Variants in DGKB observed in about 807,000 individuals in gnomAD.
DGKB encodes 90 kDa diacylglycerol kinase.
A neutral mutation model predicts 114.3 loss-of-function variants in DGKB; 67 were observed. The observed-to-expected ratio is 0.59, with a 90% confidence interval of 0.48 to 0.72. DGKB has a LOEUF of 0.72. Among genes scored for constraint, DGKB ranks in the 30% least tolerant of loss-of-function variants. The probability of loss-of-function intolerance (pLI) is 0.00; values close to 1 mark genes in which losing one functional copy is unlikely to be tolerated. For missense variants in DGKB, 907 were observed against 975.2 expected, an observed-to-expected ratio of 0.93 and a Z score of 0.93; for synonymous variants, 398 against 323.1, an observed-to-expected ratio of 1.23 and a Z score of -2.49.
At chr7:14,709,961 T>C (rs565612274) in intron 6 of DGKB, among the ~76,000 whole-genome samples, 8 of 138,444 alleles carry the variant, frequency 5.8e-5, no homozygotes, top group Non-Finnish European at 1.1e-4. Context: ...AAACTTAAAG[T>C]ATAATTAAAA....
At chr7:14,744,661 C>G (rs542681507) in intron 4 of DGKB, among the ~76,000 whole-genome samples, 1 of 152,264 alleles carries the variant, frequency 6.6e-6, no homozygotes, top group Non-Finnish European at 1.5e-5. Flanking sequence ...AATAATTATT[C>G]TTGCTGCACT....
At chr7:14,589,252 T>C (rs1457977183) in intron 17 of DGKB, among the ~76,000 whole-genome samples, 1 of 152,062 alleles carries the variant, frequency 6.6e-6, no homozygotes, top group Non-Finnish European at 1.5e-5. Flanking sequence ...TAAATAATCA[T>C]ATTATCACTG....
At chr7:14,162,653 C>G (rs1251015151) in intron 25 of DGKB, among the ~76,000 whole-genome samples, 1 of 151,766 alleles carries the variant, frequency 6.6e-6, no homozygotes, top group East Asian at 1.9e-4. Context: ...ATTCAGGTTT[C>G]AAAATAAAGA....
chr7:14,847,075 G>A (rs1434092436), intron 1 of DGKB, among the ~76,000 whole-genome samples: 2 of 152,028 alleles, frequency 1.3e-5, no homozygotes, highest in Non-Finnish European at 2.9e-5. Flanking sequence ...CGGATCACGA[G>A]GTCAGGAGAT....
chr7:14,453,878 A>T (rs1831893965), intron 21 of DGKB, among the ~76,000 whole-genome samples: 2 of 152,308 alleles, frequency 1.3e-5, no homozygotes, highest in African/African-American at 2.4e-5. Context: ...CATATGGGCC[A>T]TAGTTTGCTG....
chr7:14,584,816 C>A (rs1017534653), intron 17 of DGKB, among the ~76,000 whole-genome samples: 1 of 151,806 alleles, frequency 6.6e-6, no homozygotes, highest in Admixed American at 6.6e-5. Context: ...CCTGCCACCA[C>A]GCCTGGCTAA....
intron 23 of DGKB, among the ~76,000 whole-genome samples, chr7:14,279,838 C>T (rs1008208704): frequency 6.0e-5 from 9 of 148,982 alleles, no homozygotes; most frequent in Non-Finnish European, 1.2e-4. Flanking sequence ...GAAAGGACAT[C>T]CACAACAAAA....
chr7:14,348,823 G>T (rs1812927496), intron 21 of DGKB, among the ~76,000 whole-genome samples: 3 of 151,888 alleles, frequency 2.0e-5, no homozygotes, highest in Non-Finnish European at 4.4e-5. Flanking sequence ...ATAAGTAGTA[G>T]AAGGCAAGCA....
In DGKB at chr7:14,178,080, G is replaced by A. The variant is rs1782052855; in HGVS notation, c.2194C>T (p.Leu732=). 1 of 1,610,506 alleles carries A rather than the reference G, an allele frequency of 6.2e-7. No homozygotes were observed. Among genetic ancestry groups the A allele is most frequent in the Non-Finnish European group, 8.5e-7 (1 of 1,178,812 alleles). Residue 732 remains leucine (L), a synonymous_variant, in exon 24 of 26, where the codon CTG becomes TTG. Transcript: ENST00000402815. ...GCCAGCCGCCGGCCAGCACTTTTCAGGCCTGTGTATATTTGCCCCATCTCC... is the reference window on the plus strand; with the variant it reads ...GCCAGCCGCCGGCCAGCACTTTTCAAGCCTGTGTATATTTGCCCCATCTCC... The part of the protein sequence containing the change: ...AMEMGQIYTG[L]KSAGRRLAQC...
chr7:14,415,796 T>A (rs1460780603), intron 21 of DGKB, among the ~76,000 whole-genome samples: 4 of 152,168 alleles, frequency 2.6e-5, no homozygotes. Flanking sequence ...AGTAATGGGA[T>A]GGCTGGGTCA....
At chr7:14,776,211 C>T (rs1160861674) in intron 2 of DGKB, among the ~76,000 whole-genome samples, 1 of 152,120 alleles carries the variant, frequency 6.6e-6, no homozygotes, top group Non-Finnish European at 1.5e-5. Flanking sequence ...AGCAGCAAAA[C>T]ATTCAAGAGG....
chr7:14,203,502 T>G (rs894217472), intron 23 of DGKB, among the ~76,000 whole-genome samples: 2 of 151,986 alleles, frequency 1.3e-5, no homozygotes, highest in Non-Finnish European at 2.9e-5. Context: ...TTTTAAAAGA[T>G]AGCCAGCTAG....
chr7:14,648,587 C>A (rs1395130475), intron 13 of DGKB, among the ~76,000 whole-genome samples: 1 of 152,132 alleles, frequency 6.6e-6, no homozygotes, highest in East Asian at 1.9e-4. Flanking sequence ...AAGCAGAGCG[C>A]CTCTCCTCCT....
intron 5 of DGKB, among the ~76,000 whole-genome samples, chr7:14,724,605 A>G (rs1756898968): frequency 6.6e-6 from 1 of 152,224 alleles, no homozygotes; most frequent in Non-Finnish European, 1.5e-5. Flanking sequence ...TTTGGGGATA[A>G]CGTTTTAAGA....
At chr7:14,167,118 T>C (rs10275767) in intron 25 of DGKB, among the ~76,000 whole-genome samples, 136,051 of 151,440 alleles carry the variant, frequency 0.9, 61,297 homozygotes, top group East Asian at 1. Flanking sequence ...GGCTGAGGCA[T>C]GAGAATTGCT....
At chr7:14,747,526 T>A (rs975206697) in intron 4 of DGKB, among the ~76,000 whole-genome samples, 1 of 152,290 alleles carries the variant, frequency 6.6e-6, no homozygotes, top group Non-Finnish European at 1.5e-5. Context: ...TTCTGATAAA[T>A]GGATGATATC....
intron 1 of DGKB, among the ~76,000 whole-genome samples, chr7:14,916,402 G>T (rs139120211): frequency 6.6e-6 from 1 of 151,924 alleles, no homozygotes; most frequent in South Asian, 2.1e-4. Context: ...ATAAAAACTT[G>T]TCAGAGGACA....
At chr7:14,961,959 C>T (rs1786870158) in intron 1 of DGKB, among the ~76,000 whole-genome samples, 1 of 152,056 alleles carries the variant, frequency 6.6e-6, no homozygotes, top group Admixed American at 6.6e-5. Flanking sequence ...ACTAATTAAC[C>T]ATGTTATCTA....
At chr7:14,272,831 G>A (rs932031905) in intron 23 of DGKB, among the ~76,000 whole-genome samples, 1 of 152,090 alleles carries the variant, frequency 6.6e-6, no homozygotes, top group Non-Finnish European at 1.5e-5. Context: ...TGAAAGATAA[G>A]TTTCAATTGC....
Sources: gnomAD v4.1 joint callset for allele counts (sites outside exome capture counted in the v4.1 genomes callset) on GRCh38, gnomAD v4.1.1 for gene constraint, MANE v1.5 for transcripts, NCBI Gene and HGNC (gene_info 2026-07-23, HGNC 2026-07-21) for gene names.